Variants in CD8A observed in about 807,000 individuals in gnomAD.
CD8A encodes the protein T-cell surface glycoprotein CD8 alpha chain.
A neutral mutation model predicts 24.2 loss-of-function variants in CD8A; 25 were observed. The ratio of observed to expected loss-of-function variants is 1.03; its 90% CI spans 0.75 to 1.44. CD8A has a LOEUF of 1.44. Among genes scored for constraint, CD8A ranks in the 40% most tolerant of loss-of-function variants. The pLI is 0.00. For synonymous variants in CD8A, 165 were observed against 149.9 expected (o/e 1.10, Z -0.74); for missense variants, 360 against 319.7 (o/e 1.13, Z -0.96).
Position 86,785,230 on chromosome 2 carries a change from C to T in CD8A, c.*690G>A, listed in dbSNP as rs1471768935. 2.2e-6 allele frequency: 1 copy of T among 453,696 alleles called. No homozygotes were observed. Among genetic ancestry groups the T allele is most frequent in the African/African-American group, 2.0e-5 (1 of 49,868 alleles). The allele number at this position is 453,696 out of a possible 1,614,324, so 28.1% of individuals were successfully genotyped here. On this transcript the variant is annotated 3_prime_UTR_variant, in exon 6 of 6. Coordinates refer to ENST00000283635, the MANE Select transcript of CD8A (RefSeq NM_001768.7). ...GGGATTCATTTTCCAGGGTTAAGCT[C>T]ACCACTTCATTTTATTTTAGGTCTA...
At chr2:86,792,102 G>A (rs2104444721), upstream of CD8A, among the ~76,000 whole-genome samples, 1 of 152,270 alleles carries the variant, frequency 6.6e-6, no homozygotes, top group Middle Eastern at 3.4e-3. Flanking sequence ...TGGGACTCCT[G>A]AGCTCCAGTG....
chr2:86,788,796 G>T (rs931548884), intron 4 of CD8A, among the ~76,000 whole-genome samples: 19 of 152,044 alleles, frequency 1.2e-4, no homozygotes, highest in Admixed American at 2.6e-4. Context: ...GCCGGGTAAG[G>T]GCTTCTTATC....
chr2:86,802,645 G>A (rs534996606), intron 2 of CD8A, among the ~76,000 whole-genome samples: 23 of 152,006 alleles, frequency 1.5e-4, no homozygotes, highest in Admixed American at 1.2e-3. Flanking sequence ...TCACTCTGCC[G>A]CCCAGGCTGG....
chr2:86,785,685 C>G lies in CD8A; in HGVS notation c.*235G>C. The G allele has an allele frequency of 1.5e-6, 1 of 688,178 alleles. No homozygotes were observed. The allele number at this position is 688,178 out of a possible 1,614,324, so 42.6% of individuals were successfully genotyped here. A position where few individuals can be genotyped will look rare whatever the true frequency, so the allele number is the denominator to read the frequency against. On this transcript the variant is annotated 3_prime_UTR_variant, in exon 6 of 6. Coordinates refer to ENST00000283635, the MANE Select transcript of CD8A (RefSeq NM_001768.7). ...TGGCCTGCCCCTTTCCACGCCCTAC[C>G]GCGATGTGCGCACAACAGTATTGTG...
intron 2 of CD8A, among the ~76,000 whole-genome samples, chr2:86,803,163 A>G (rs1038838283): frequency 6.6e-5 from 10 of 152,222 alleles, no homozygotes; most frequent in African/African-American, 2.4e-4. Context: ...CATTCATTTT[A>G]TAACAGCATT....
intron 4 of CD8A, 74 bp from the exon 5 acceptor site, chr2:86,788,634 G>T (rs1362999095): frequency 1.5e-6 from 2 of 1,330,946 alleles, no homozygotes; most frequent in East Asian, 2.3e-5. Flanking sequence ...TGTATTTTTT[G>T]TTGTTGCTGT....
intron 2 of CD8A, chr2:86,807,303 A>G (rs1401963057): frequency 6.6e-6 from 1 of 152,358 alleles, no homozygotes; most frequent in Non-Finnish European, 1.5e-5. Flanking sequence ...CCTGGGCGAT[A>G]GAACAAGACC....
At chr2:86,801,179 T>C (rs116377383) in intron 3 of CD8A, among the ~76,000 whole-genome samples, 2,292 of 152,290 alleles carry the variant, frequency 0.015, 68 homozygotes, top group African/African-American at 0.051. Context: ...GCCACCTAGT[T>C]TGTGGTACTT....
intron 5 of CD8A, 147 bp from the exon 6 acceptor site, chr2:86,786,118 G>A (rs1241537955): frequency 5.3e-6 from 4 of 756,854 alleles, no homozygotes; most frequent in Non-Finnish European, 7.3e-6. Context: ...GGTGAATGAC[G>A]TCAGCACAGC....
Position 86,785,145 on chromosome 2 carries a change from G to A in CD8A, c.*775C>T. The stretch of plus-strand genomic sequence containing the variant: ...TCATGGGCCCCTCTGCAATGCAAGG[G>A]CTGGGAGAGCAATTCCGCCTCCACA... On this transcript the variant is annotated 3_prime_UTR_variant, in exon 6 of 6. Coordinates refer to ENST00000283635, the MANE Select transcript of CD8A (RefSeq NM_001768.7). 4.4e-6 allele frequency: 2 copies of A among 454,060 alleles called. No homozygotes were observed. Among genetic ancestry groups the A allele is most frequent in the Non-Finnish European group, 8.8e-6 (2 of 226,778 alleles). The allele number at this position is 454,060 out of a possible 1,614,324, so 28.1% of individuals were successfully genotyped here. A position where few individuals can be genotyped will look rare whatever the true frequency, so the allele number is the denominator to read the frequency against.
chr2:86,799,684 A>G (rs71411868), intron 3 of CD8A, among the ~76,000 whole-genome samples: 27,844 of 151,962 alleles, frequency 0.18, 2,906 homozygotes, highest in Non-Finnish European at 0.25. Context: ...TGAACCCGGG[A>G]AGTGGAGCTT....
chr2:86,789,906 G>T (rs1308311520), intron 2 of CD8A, among the ~76,000 whole-genome samples, 156 bp from the exon 3 acceptor site: 4 of 152,178 alleles, frequency 2.6e-5, no homozygotes, highest in Admixed American at 1.3e-4. Flanking sequence ...CGGGATGCGC[G>T]CGGACCCCTG....
intron 2 of CD8A, 88 bp from the exon 3 acceptor site, chr2:86,789,838 A>T: frequency 1.3e-6 from 1 of 747,538 alleles, no homozygotes; most frequent in Non-Finnish European, 1.9e-6. Flanking sequence ...CCCCACGGGG[A>T]CGCCTCCCCC....
intron 2 of CD8A, among the ~76,000 whole-genome samples, chr2:86,804,794 CTTTTTTTTTTTT>C (rs70958908): frequency 5.3e-5 from 5 of 94,034 alleles, no homozygotes; most frequent in Non-Finnish European, 1.1e-4. Flanking sequence ...CTTGCTAAAT[CTTTTTTTTTTTT>C]TTTTTTTTTT....
At position 86,790,907 on chromosome 2, in the gene CD8A, G is replaced by C; in HGVS notation, c.-82C>G. 1.5e-6 allele frequency: 2 copies of C among 1,343,838 alleles called. No homozygotes were observed. Among genetic ancestry groups the C allele is most frequent in the Non-Finnish European group, 1.0e-6 (1 of 971,694 alleles). 83.2% of individuals were successfully genotyped at this position (1,343,838 alleles called of 1,614,324 possible). On this transcript the variant is annotated 5_prime_UTR_variant, in exon 1 of 6. Transcript: ENST00000283635. The stretch of plus-strand genomic sequence containing the variant: ...GGGAGCCGGTGGGGCGCCGAGGGGG[G>C]AAAGTTGCGCCCTTCGGCCGGCCCG...
At chr2:86,787,327 A>G (rs1399625989) in intron 5 of CD8A, among the ~76,000 whole-genome samples, 1 of 152,116 alleles carries the variant, frequency 6.6e-6, no homozygotes, top group Non-Finnish European at 1.5e-5. Flanking sequence ...ATTGCTAAAA[A>G]CAACAATGTG....
At chr2:86,801,892 TTTCA>T (rs1251921156) in intron 2 of CD8A, among the ~76,000 whole-genome samples, 2 of 152,150 alleles carry the variant, frequency 1.3e-5, no homozygotes, top group Admixed American at 1.3e-4. Context: ...GGGGGGTCCA[TTTCA>T]TTAAGAGCTG....
chr2:86,794,098 G>C (rs376483538), upstream of CD8A, among the ~76,000 whole-genome samples: 19 of 152,316 alleles, frequency 1.2e-4, no homozygotes, highest in East Asian at 1.5e-3. Flanking sequence ...GCTGGGTTGG[G>C]CCTGTCCATC....
chr2:86,796,861 T>C (rs1240210847), intron 3 of CD8A, among the ~76,000 whole-genome samples: 1 of 152,198 alleles, frequency 6.6e-6, no homozygotes, highest in Non-Finnish European at 1.5e-5. Flanking sequence ...TCCTGTTTCC[T>C]GTTGTCCAAC....
Sources: gnomAD v4.1 joint callset for allele counts (sites outside exome capture counted in the v4.1 genomes callset) on GRCh38, gnomAD v4.1.1 for gene constraint, MANE v1.5 for transcripts, NCBI Gene and HGNC (gene_info 2026-07-23, HGNC 2026-07-21) for gene names.